Variants in ACOXL observed in about 807,000 individuals in gnomAD.
The protein encoded by ACOXL is acyl-coenzyme A oxidase-like protein.
ACOXL carries 70 observed loss-of-function variants against 71.9 expected under a neutral mutation model. The ratio of observed to expected loss-of-function variants is 0.97; its 90% confidence interval spans 0.80 to 1.19. The LOEUF (loss-of-function observed/expected upper bound fraction) is 1.19, where lower values mean the gene tolerates loss of function less well. Among genes scored for constraint, ACOXL ranks in the 50% most tolerant of loss-of-function variants. ACOXL has a pLI of 0.00. For synonymous variants in ACOXL, 253 were observed against 281.6 expected (o/e 0.90, Z 1.02); for missense variants, 703 against 736.3 (o/e 0.95, Z 0.52).
chr2:110,741,678 G>T (rs1352408965), intron 1 of ACOXL, among the ~76,000 whole-genome samples: 1 of 152,192 alleles, frequency 6.6e-6, no homozygotes, highest in Non-Finnish European at 1.5e-5. Flanking sequence ...GGTTGTCATC[G>T]AGTAACATCT....
intron 14 of ACOXL, among the ~76,000 whole-genome samples, chr2:111,021,895 C>T (rs886112172): frequency 1.6e-4 from 24 of 151,150 alleles, no homozygotes; most frequent in Non-Finnish European, 2.7e-4. Flanking sequence ...TTGGAAGGAC[C>T]AAGGAATACA....
At chr2:110,837,216 C>A (rs930255505) in intron 9 of ACOXL, among the ~76,000 whole-genome samples, 2 of 152,230 alleles carry the variant, frequency 1.3e-5, no homozygotes, top group East Asian at 3.9e-4. Context: ...GCTTCCTGGT[C>A]TCTCCTTTTC....
At chr2:111,117,184 G>A (rs570796093) in intron 17 of ACOXL, among the ~76,000 whole-genome samples, 2 of 152,324 alleles carry the variant, frequency 1.3e-5, no homozygotes, top group South Asian at 4.1e-4. Context: ...AGTTCCCTCT[G>A]CGCGCCAGAG....
chr2:110,834,416 A>C (rs1390394975), intron 9 of ACOXL, among the ~76,000 whole-genome samples: 2 of 152,244 alleles, frequency 1.3e-5, no homozygotes, highest in Non-Finnish European at 1.5e-5. Context: ...ACTAGAGTGC[A>C]TAATTCTTTT....
In ACOXL at chr2:111,049,284, T is replaced by A; in HGVS notation, c.1436T>A (p.Met479Lys). ...GACCAAGAGGACCAGACTTTGTTAATGAAGGTAGGTTATCAGATAAAGAAC... is the reference window on the plus strand; with the variant it reads ...GACCAAGAGGACCAGACTTTGTTAAAGAAGGTAGGTTATCAGATAAAGAAC... The part of the protein sequence containing the change: ...CPDQEDQTLL[M>K]KFCLLYGTKL... Residue 479 changes from methionine (M) to lysine (K), a missense_variant, in exon 16 of 18, where the codon ATG becomes AAG. Coordinates refer to ENST00000439055, the MANE Select transcript of ACOXL (RefSeq NM_001142807.4). 1 of 1,606,294 alleles carries A rather than the reference T, an allele frequency of 6.2e-7. No individual in the cohort carries two copies. Among genetic ancestry groups the A allele is most frequent in the South Asian group, 1.1e-5 (1 of 90,908 alleles).
At chr2:111,053,476 T>C (rs1183489845) in intron 16 of ACOXL, among the ~76,000 whole-genome samples, 1 of 152,224 alleles carries the variant, frequency 6.6e-6, no homozygotes, top group Non-Finnish European at 1.5e-5. Flanking sequence ...TGGGTCAGCC[T>C]AGATTTGAAT....
intron 15 of ACOXL, among the ~76,000 whole-genome samples, chr2:111,048,491 G>T (rs180871268): frequency 2.6e-5 from 4 of 152,326 alleles, no homozygotes; most frequent in African/African-American, 9.6e-5. Context: ...ACAGCCTACA[G>T]GAGGGCAGTC....
rs997273517 is a variant in ACOXL, at chr2:110,846,685, A to G, written c.788+5280A>G. ...CACACACACACACACAGTGTAACAC[A>G]TGCCCACCCCAACCACTTCCACTGC... is the stretch of plus-strand genomic sequence containing the variant. On this transcript the variant is annotated intron_variant, in intron 10 of 17. Coordinates refer to ENST00000439055, the MANE Select transcript of ACOXL (RefSeq NM_001142807.4). Among the ~76,000 whole-genome samples, 10 of 148,884 alleles carry G rather than the reference A, an allele frequency of 6.7e-5. No individual in the cohort carries two copies. The South Asian group carries it at 2.1e-3, about 32-fold the overall frequency.
At chr2:110,770,487 G>A (rs991501989) in intron 2 of ACOXL, among the ~76,000 whole-genome samples, 1 of 152,254 alleles carries the variant, frequency 6.6e-6, no homozygotes, top group African/African-American at 2.4e-5. Context: ...TGCAGTGTCA[G>A]CTGAGCTGGA....
chr2:110,776,184 G>A (rs1237262894), intron 2 of ACOXL, among the ~76,000 whole-genome samples: 2 of 152,112 alleles, frequency 1.3e-5, no homozygotes, highest in East Asian at 1.9e-4. Flanking sequence ...AGATAAATAC[G>A]GTACACTGTT....
chr2:110,809,384 A>G (rs1386339735), intron 9 of ACOXL, among the ~76,000 whole-genome samples: 1 of 152,182 alleles, frequency 6.6e-6, no homozygotes, highest in East Asian at 1.9e-4. Flanking sequence ...GCTGAGTGCA[A>G]CCAGCATTCT....
chr2:110,746,799 C>T (rs147669830), intron 1 of ACOXL, among the ~76,000 whole-genome samples: 150 of 151,878 alleles, frequency 9.9e-4, no homozygotes, highest in African/African-American at 3.5e-3. Flanking sequence ...GTCGGCCTCC[C>T]CCTTTCCCCC....
At chr2:110,832,223 A>T (rs1292314312) in intron 9 of ACOXL, among the ~76,000 whole-genome samples, 1 of 152,148 alleles carries the variant, frequency 6.6e-6, no homozygotes, top group African/African-American at 2.4e-5. Flanking sequence ...TAGACGTATC[A>T]CTAAGGCATG....
intron 12 of ACOXL, among the ~76,000 whole-genome samples, chr2:110,948,954 G>A (rs886314019): frequency 9.2e-5 from 14 of 151,880 alleles, no homozygotes; most frequent in Non-Finnish European, 4.4e-5. Flanking sequence ...AGCAACCCCC[G>A]AGACACGTAC....
At chr2:110,831,908 C>G (rs1188810671) in intron 9 of ACOXL, among the ~76,000 whole-genome samples, 2 of 151,968 alleles carry the variant, frequency 1.3e-5, no homozygotes, top group African/African-American at 4.8e-5. Context: ...AGTCTTACAC[C>G]TTATATAAAA....
At position 110,799,112 on chromosome 2, in the gene ACOXL, G is replaced by C. The variant is rs769505046; in HGVS notation, c.547+12G>C. 3.1e-6 allele frequency: 5 copies of C among 1,612,980 alleles called. No individual in the cohort carries two copies. In the Admixed American group the frequency reaches 6.7e-5, roughly 22 times the overall value. On this transcript the variant is annotated intron_variant, in intron 7 of 17. Coordinates refer to ENST00000439055, the MANE Select transcript of ACOXL (RefSeq NM_001142807.4). ...GATGTACAAGGAGGGTGAGTCCCCA[G>C]GTGCCCTTTTCCTGTGCTCACTCTT... is the stretch of plus-strand genomic sequence containing the variant.
intron 14 of ACOXL, among the ~76,000 whole-genome samples, chr2:111,027,049 A>G (rs909807448): frequency 6.6e-6 from 1 of 151,984 alleles, no homozygotes; most frequent in Non-Finnish European, 1.5e-5. Context: ...GGCACCCACC[A>G]TCACGCCCAG....
At chr2:110,807,650 A>G (rs1686829779) in intron 9 of ACOXL, among the ~76,000 whole-genome samples, 2 of 152,186 alleles carry the variant, frequency 1.3e-5, no homozygotes, top group South Asian at 4.1e-4. Context: ...GCACAGAGCC[A>G]GCAGGGTCCA....
intron 10 of ACOXL, among the ~76,000 whole-genome samples, chr2:110,899,727 T>C (rs2059151520): frequency 6.6e-6 from 1 of 152,174 alleles, no homozygotes; most frequent in South Asian, 2.1e-4. Context: ...CATTCATTAG[T>C]ATACAATTTT....
Sources: allele counts gnomAD v4.1 joint callset (sites outside exome capture counted in the v4.1 genomes callset), GRCh38; gene constraint gnomAD v4.1.1; transcripts MANE v1.5; gene names NCBI Gene and HGNC (gene_info 2026-07-23, HGNC 2026-07-21).